RUNX2: variants seen among roughly 807,000 people sequenced by gnomAD.
The protein encoded by RUNX2 is RUNX family transcription factor 2, also known as runt-related transcription factor 2.
A neutral mutation model predicts 51.7 loss-of-function variants in RUNX2; 10 were observed. The observed-to-expected ratio is 0.19, with a 90% CI of 0.12 to 0.33. The LOEUF is 0.33. Ranked by LOEUF, RUNX2 falls within the 10% of genes least tolerant of loss-of-function variation. The pLI is 1.00. For synonymous variants in RUNX2, 276 were observed against 273.6 expected (o/e 1.01, Z -0.09); for missense variants, 562 against 691.3 (o/e 0.81, Z 2.10).
At chr6:45,486,594 A>T (rs1283480769) in intron 5 of RUNX2, among the ~76,000 whole-genome samples, 4 of 152,234 alleles carry the variant, frequency 2.6e-5, no homozygotes, top group Non-Finnish European at 5.9e-5. Context: ...GTGATCAGCA[A>T]AATGATTCTG....
Position 45,422,765 on chromosome 6 carries a change from T to TGCGGCGGCG in RUNX2, c.240_248dup (p.Ala87_Ala89dup), listed in dbSNP as rs750984370. ...AGCAGCAGGAGGCGGCGGCGGCGGC[T>TGCGGCGGCG]GCGGCGGCGGCGGCGGCTGCGGCGG... On this transcript the variant is annotated inframe_insertion, in exon 3 of 9. Transcript: ENST00000647337. The TGCGGCGGCG allele has an allele frequency of 1.5e-6, 2 of 1,334,620 alleles. No homozygotes were observed. Among genetic ancestry groups the TGCGGCGGCG allele is most frequent in the East Asian group, 2.9e-5 (1 of 34,458 alleles). The allele number at this position is 1,334,620 out of a possible 1,614,324, so 82.7% of individuals were successfully genotyped here.
intron 5 of RUNX2, among the ~76,000 whole-genome samples, chr6:45,471,447 C>CTTTT (rs779430509): frequency 5.0e-5 from 7 of 139,246 alleles, no homozygotes; most frequent in Non-Finnish European, 3.2e-5. Context: ...TTCTTTCTTT[C>CTTTT]TTTTTTTTTT....
chr6:45,453,239 T>G (rs1799224983), intron 5 of RUNX2, among the ~76,000 whole-genome samples: 4 of 152,164 alleles, frequency 2.6e-5, no homozygotes, highest in Non-Finnish European at 5.9e-5. Context: ...GCCACAGGAT[T>G]GATAGTGGGA....
intron 2 of RUNX2, among the ~76,000 whole-genome samples, chr6:45,405,108 A>G (rs1326958763): frequency 1.3e-5 from 2 of 152,230 alleles, no homozygotes; most frequent in Admixed American, 6.5e-5. Flanking sequence ...AAATTCTGCA[A>G]TGATTTAATA....
At chr6:45,429,665 G>A (rs985116612) in intron 3 of RUNX2, among the ~76,000 whole-genome samples, 5 of 152,198 alleles carry the variant, frequency 3.3e-5, no homozygotes, top group African/African-American at 1.2e-4. Context: ...ACAAGCTGGG[G>A]GCAAGGGCAC....
At chr6:45,472,654 T>C (rs1422125671) in intron 5 of RUNX2, among the ~76,000 whole-genome samples, 1 of 152,240 alleles carries the variant, frequency 6.6e-6, no homozygotes, top group African/African-American at 2.4e-5. Context: ...ATCTGGTTCC[T>C]GCTCTGACCC....
intron 5 of RUNX2, among the ~76,000 whole-genome samples, chr6:45,439,007 A>G (rs1403766776): frequency 6.6e-6 from 1 of 152,128 alleles, no homozygotes; most frequent in African/African-American, 2.4e-5. Context: ...ATAACAATCA[A>G]CCTGCATAGA....
At chr6:45,358,115 A>G (rs976694080) in intron 2 of RUNX2, among the ~76,000 whole-genome samples, 1 of 152,140 alleles carries the variant, frequency 6.6e-6, no homozygotes, top group Non-Finnish European at 1.5e-5. Context: ...GTAATCAATG[A>G]CCGTGTTAAA....
chr6:45,539,219 T>TTTC (rs1554400743), intron 7 of RUNX2, among the ~76,000 whole-genome samples: 214 of 151,420 alleles, frequency 1.4e-3, no homozygotes, highest in African/African-American at 5.0e-3. Context: ...AGGTTTTTTT[T>TTTC]TCTCTCTCTC....
At chr6:45,446,487 C>CT (rs931139556) in intron 5 of RUNX2, among the ~76,000 whole-genome samples, 1 of 151,100 alleles carries the variant, frequency 6.6e-6, no homozygotes, top group Non-Finnish European at 1.5e-5. Flanking sequence ...CCCTCCCCCC[C>CT]TTTTTTTGTC....
At chr6:45,383,534 G>T (rs1052286907) in intron 2 of RUNX2, among the ~76,000 whole-genome samples, 4 of 151,914 alleles carry the variant, frequency 2.6e-5, no homozygotes, top group Non-Finnish European at 4.4e-5. Flanking sequence ...ATGTAATAAA[G>T]TTCCATTTAG....
chr6:45,331,258 A>C (rs564701777), intron 2 of RUNX2, among the ~76,000 whole-genome samples: 67 of 152,188 alleles, frequency 4.4e-4, no homozygotes, highest in Non-Finnish European at 9.6e-4. Flanking sequence ...TCATAAATAT[A>C]GCTTGCTGAA....
chr6:45,431,764 T>C (rs1798548624), intron 3 of RUNX2, 99 bp from the exon 4 acceptor site: 5 of 1,375,942 alleles, frequency 3.6e-6, no homozygotes, highest in South Asian at 1.2e-5. Flanking sequence ...ACTAGAACAC[T>C]AAGTCCTGAT....
intron 6 of RUNX2, among the ~76,000 whole-genome samples, chr6:45,510,443 TTAAA>T (rs561968495): frequency 1.5e-3 from 223 of 152,308 alleles, no homozygotes; most frequent in African/African-American, 5.1e-3. Context: ...TAAACAATCT[TTAAA>T]TAAATTGTTT....
intron 2 of RUNX2, among the ~76,000 whole-genome samples, chr6:45,333,613 A>G (rs1481181861): frequency 1.3e-5 from 2 of 151,466 alleles, no homozygotes; most frequent in Non-Finnish European, 3.0e-5. Context: ...ACTAATAAAC[A>G]GAAACTGCAT....
In RUNX2 at chr6:45,546,762, AATTCT is replaced by A. The variant is rs1472238194; in HGVS notation, c.1088-62_1088-58del. On this transcript the variant is annotated intron_variant, in intron 8 of 8. Coordinates refer to ENST00000647337, the MANE Select transcript of RUNX2 (RefSeq NM_001024630.4). ...GTTTTCTCTTTTTTTTTCTTGTAAC[AATTCT>A]ATCATTATTTTAATTGATATTTACA... 1.6e-5 allele frequency: 21 copies of A among 1,354,820 alleles called. No individual in the cohort carries two copies. The African/African-American group carries it at 3.0e-4, about 20-fold the overall frequency. The allele number at this position is 1,354,820 out of a possible 1,614,324, so 83.9% of individuals were successfully genotyped here.
chr6:45,391,657 T>C (rs12201563), intron 2 of RUNX2, among the ~76,000 whole-genome samples: 26,692 of 152,044 alleles, frequency 0.18, 2,911 homozygotes, highest in Non-Finnish European at 0.25. Context: ...AAACTTACAG[T>C]CATGGTGGAA....
intron 4 of RUNX2, among the ~76,000 whole-genome samples, chr6:45,434,706 T>A (rs1482443367): frequency 6.6e-6 from 1 of 151,776 alleles, no homozygotes; most frequent in Non-Finnish European, 1.5e-5. Context: ...GGTCCTTAAA[T>A]TTTTTTTTGG....
chr6:45,363,247 C>T (rs1563026720), intron 2 of RUNX2, among the ~76,000 whole-genome samples: 1 of 152,136 alleles, frequency 6.6e-6, no homozygotes, highest in Non-Finnish European at 1.5e-5. Context: ...TTTACAAAAA[C>T]AGGCAGCAAG....
Sources: allele counts gnomAD v4.1 joint callset (sites outside exome capture counted in the v4.1 genomes callset), GRCh38; gene constraint gnomAD v4.1.1; transcripts MANE v1.5; gene names NCBI Gene and HGNC (gene_info 2026-07-23, HGNC 2026-07-21).